ARHGEF26: variants seen among roughly 807,000 people sequenced by gnomAD.
The protein encoded by ARHGEF26 is Rho guanine nucleotide exchange factor 26, also known as Rho guanine nucleotide exchange factor (GEF) 26.
ARHGEF26 carries 59 observed loss-of-function variants against 89.4 expected under a neutral mutation model. That is an observed-to-expected ratio of 0.66 (90% CI 0.54 to 0.82). The LOEUF (loss-of-function observed/expected upper bound fraction) is 0.82, where lower values mean the gene tolerates loss of function less well. Among genes scored for constraint, ARHGEF26 ranks in the 40% least tolerant of loss-of-function variants. The probability of loss-of-function intolerance (pLI) is 0.00; values close to 1 mark genes in which losing one functional copy is unlikely to be tolerated. For missense variants in ARHGEF26, 1,234 were observed against 1,085.6 expected, an observed-to-expected ratio of 1.14 and a Z score of -1.92; for synonymous variants, 500 against 428.4, an observed-to-expected ratio of 1.17 and a Z score of -2.06.
chr3:154,203,499 T>G (rs1559896149), intron 9 of ARHGEF26, among the ~76,000 whole-genome samples: 3 of 152,204 alleles, frequency 2.0e-5, no homozygotes, highest in Non-Finnish European at 4.4e-5. Context: ...TTGATTGTAC[T>G]AGCTAGGATT....
chr3:154,125,989 G>A (rs1718306988), intron 3 of ARHGEF26, among the ~76,000 whole-genome samples: 1 of 152,122 alleles, frequency 6.6e-6, no homozygotes, highest in South Asian at 2.1e-4. Flanking sequence ...ACCTCACTGA[G>A]CCACCTCATG....
chr3:154,239,814 A>AG (rs1717380873), intron 11 of ARHGEF26, among the ~76,000 whole-genome samples: 1 of 152,108 alleles, frequency 6.6e-6, no homozygotes, highest in Non-Finnish European at 1.5e-5. Flanking sequence ...GCAGGAATGG[A>AG]GGGCATAATG....
intron 9 of ARHGEF26, among the ~76,000 whole-genome samples, chr3:154,201,486 C>T (rs1240439446): frequency 6.6e-6 from 1 of 152,104 alleles, no homozygotes; most frequent in East Asian, 1.9e-4. Flanking sequence ...GTCTTTATAG[C>T]AGCATGTTTT....
Position 154,256,547 on chromosome 3 carries a change from T to TA in ARHGEF26, c.*1074_*1075insA, listed in dbSNP as rs1718514266. 1.5e-6 allele frequency: 1 copy of TA among 676,064 alleles called. No individual in the cohort carries two copies. The highest frequency in any genetic ancestry group is 1.7e-6 in the Non-Finnish European group (1 of 599,288). 41.9% of individuals were successfully genotyped at this position (676,064 alleles called of 1,614,324 possible). A position where few individuals can be genotyped will look rare whatever the true frequency, so the allele number is the denominator to read the frequency against. ...CGTGCCCAGCCTACTTTCTAATTAA[T>TA]TAAAAAAAAAAAAAAAAAAAAAAAA... On this transcript the variant is annotated 3_prime_UTR_variant, in exon 15 of 15. Transcript: ENST00000465093.
intron 6 of ARHGEF26, among the ~76,000 whole-genome samples, chr3:154,164,492 G>A (rs1415211068): frequency 2.6e-5 from 4 of 151,874 alleles, no homozygotes; most frequent in Admixed American, 6.6e-5. Context: ...AAAAGGTTTC[G>A]GGAAATGACT....
rs115582711 is a variant in ARHGEF26 at position 154,139,115 on chromosome 3, A to G, written c.1269+9396A>G. Among the ~76,000 whole-genome samples, 1,001 of 152,248 alleles carry G rather than the reference A, an allele frequency of 6.6e-3. 9 individuals carry two copies. The highest frequency in any genetic ancestry group is 0.023 in the African/African-American group (956 of 41,540). On this transcript the variant is annotated intron_variant, in intron 4 of 14. Coordinates refer to ENST00000465093, the MANE Select transcript of ARHGEF26 (RefSeq NM_015595.4). ...GGGCACAGTTGGGGAGTGGCAGGGTAGAAGAGTCTCAGGTAGAGAAAATGT... is the reference window on the plus strand; with the variant it reads ...GGGCACAGTTGGGGAGTGGCAGGGTGGAAGAGTCTCAGGTAGAGAAAATGT...
chr3:154,130,421 A>G (rs1040647944), intron 4 of ARHGEF26, among the ~76,000 whole-genome samples: 3 of 152,156 alleles, frequency 2.0e-5, no homozygotes, highest in African/African-American at 4.8e-5. Flanking sequence ...GATTACAGGC[A>G]TGAGCCACCG....
At chr3:154,221,732 T>G (rs1266779465) in intron 10 of ARHGEF26, among the ~76,000 whole-genome samples, 2 of 152,222 alleles carry the variant, frequency 1.3e-5, no homozygotes, top group African/African-American at 4.8e-5. Context: ...AAAATACAGT[T>G]TGCTTTTGCA....
intron 6 of ARHGEF26, chr3:154,187,132 C>T (rs1713615470): frequency 1.8e-6 from 1 of 569,754 alleles, no homozygotes; most frequent in Non-Finnish European, 2.2e-6. Flanking sequence ...ACTCATAATC[C>T]ACCCGCTTCG....
Position 154,257,079 on chromosome 3 carries a change from C to A in ARHGEF26, c.*1606C>A. 3.0e-6 allele frequency: 4 copies of A among 1,342,200 alleles called. No homozygotes were observed. The highest frequency in any genetic ancestry group is 3.9e-6 in the Non-Finnish European group (4 of 1,025,940). The allele number at this position is 1,342,200 out of a possible 1,614,324, so 83.1% of individuals were successfully genotyped here. A position where few individuals can be genotyped will look rare whatever the true frequency, so the allele number is the denominator to read the frequency against. ...AACTACTGTCCGCTAACTAGTTATC[C>A]AAATTGTAAAGCTACAGAAGCCCAG... On this transcript the variant is annotated 3_prime_UTR_variant, in exon 15 of 15. Transcript: ENST00000465093.
At chr3:154,179,307 A>G (rs1713035748) in intron 6 of ARHGEF26, among the ~76,000 whole-genome samples, 1 of 152,206 alleles carries the variant, frequency 6.6e-6, no homozygotes, top group Non-Finnish European at 1.5e-5. Flanking sequence ...GCTGGGCACA[A>G]TCTGAGTGTT....
intron 2 of ARHGEF26, 80 bp from the exon 3 acceptor site, chr3:154,124,330 C>A (rs1576674434): frequency 1.1e-6 from 1 of 878,870 alleles, no homozygotes; most frequent in Non-Finnish European, 1.7e-6. Flanking sequence ...CTTAAAATAG[C>A]TGTATTTTCT....
At chr3:154,132,003 T>G (rs1468063053) in intron 4 of ARHGEF26, among the ~76,000 whole-genome samples, 2 of 152,194 alleles carry the variant, frequency 1.3e-5, no homozygotes, top group East Asian at 3.9e-4. Context: ...TGATTTCTGA[T>G]TTTAGTGTAT....
At chr3:154,244,821 G>C (rs1224406484) in intron 12 of ARHGEF26, among the ~76,000 whole-genome samples, 1 of 151,954 alleles carries the variant, frequency 6.6e-6, no homozygotes, top group African/African-American at 2.4e-5. Context: ...ACTAGAATCT[G>C]GCCTTCCTGA....
At chr3:154,145,122 G>A (rs537930272) in intron 4 of ARHGEF26, among the ~76,000 whole-genome samples, 1 of 152,126 alleles carries the variant, frequency 6.6e-6, no homozygotes, top group South Asian at 2.1e-4. Context: ...TGGATGTAGT[G>A]GGGTTAAAGA....
intron 12 of ARHGEF26, among the ~76,000 whole-genome samples, chr3:154,246,381 T>G (rs1305679396): frequency 6.6e-6 from 1 of 152,144 alleles, no homozygotes; most frequent in African/African-American, 2.4e-5. Flanking sequence ...CAAAGTCCAG[T>G]TTGTCTTCAG....
intron 9 of ARHGEF26, among the ~76,000 whole-genome samples, chr3:154,195,061 G>C (rs1021855011): frequency 6.6e-6 from 1 of 152,216 alleles, no homozygotes; most frequent in South Asian, 2.1e-4. Flanking sequence ...AGTGAGGCAC[G>C]TGTAGTCACT....
At chr3:154,165,759 C>A (rs1711978700) in intron 6 of ARHGEF26, among the ~76,000 whole-genome samples, 1 of 152,180 alleles carries the variant, frequency 6.6e-6, no homozygotes, top group Non-Finnish European at 1.5e-5. Flanking sequence ...ATCGGAATAA[C>A]TAAATAATCT....
intron 12 of ARHGEF26, among the ~76,000 whole-genome samples, chr3:154,252,379 GTATT>G (rs1718212419): frequency 6.6e-6 from 1 of 152,162 alleles, no homozygotes; most frequent in Admixed American, 6.5e-5. Context: ...TGGCGGGGCA[GTATT>G]TAATTAATTG....
Sources: allele counts gnomAD v4.1 joint callset (sites outside exome capture counted in the v4.1 genomes callset), GRCh38; gene constraint gnomAD v4.1.1; transcripts MANE v1.5; gene names NCBI Gene and HGNC (gene_info 2026-07-23, HGNC 2026-07-21).